The following CTH variants were observed in gnomAD, a reference collection of about 807,000 sequenced individuals.
The protein encoded by CTH is cystathionine gamma-lyase.
Under a neutral mutation model 50.6 loss-of-function variants are expected in CTH, and 41 were observed. That is an observed-to-expected ratio of 0.81 (90% CI 0.63 to 1.05). CTH has a LOEUF of 1.05. Ranked by LOEUF, CTH falls within the 50% of genes least tolerant of loss-of-function variation. The pLI, the probability that CTH is intolerant of heterozygous loss-of-function variation, is 0.00. For synonymous variants in CTH, 156 were observed against 168.9 expected, an observed-to-expected ratio of 0.92 and a Z score of 0.59; for missense variants, 470 against 492.6, an observed-to-expected ratio of 0.95 and a Z score of 0.43.
intron 1 of CTH, among the ~76,000 whole-genome samples, chr1:70,412,276 A>T (rs188470315): frequency 5.8e-4 from 88 of 152,338 alleles, no homozygotes; most frequent in African/African-American, 1.9e-3. Flanking sequence ...AATTTAGCCT[A>T]TTGCGTCATT....
In CTH at chr1:70,439,224, C is replaced by G. The variant is rs527851295; in HGVS notation, c.*97C>G. On this transcript the variant is annotated 3_prime_UTR_variant, in exon 12 of 12. Transcript: ENST00000370938. ...AATGAGCCTTTGCAAAATTTTCAAGCGGAAATTTTAAGGCACCTCATTATC... is the reference window on the plus strand; with the variant it reads ...AATGAGCCTTTGCAAAATTTTCAAGGGGAAATTTTAAGGCACCTCATTATC... 8.3e-7 allele frequency: 1 copy of G among 1,201,574 alleles called. No homozygotes were observed. The highest frequency in any genetic ancestry group is 1.5e-5 in the African/African-American group (1 of 66,764). 74.4% of individuals were successfully genotyped at this position (1,201,574 alleles called of 1,614,324 possible).
At chr1:70,428,563 C>A (rs1684397082) in intron 5 of CTH, among the ~76,000 whole-genome samples, 1 of 151,514 alleles carries the variant, frequency 6.6e-6, no homozygotes, top group Non-Finnish European at 1.5e-5. Context: ...AATTCCTTTT[C>A]ATTTTTATTT....
At chr1:70,437,205 G>T (rs1417929054) in intron 10 of CTH, among the ~76,000 whole-genome samples, 1 of 152,140 alleles carries the variant, frequency 6.6e-6, no homozygotes, top group Non-Finnish European at 1.5e-5. Context: ...TAGGTTTGTT[G>T]CGAGAACATG....
At chr1:70,415,261 A>C (rs1406323353) in intron 1 of CTH, among the ~76,000 whole-genome samples, 1 of 152,114 alleles carries the variant, frequency 6.6e-6, no homozygotes, top group Non-Finnish European at 1.5e-5. Flanking sequence ...AATATTTGTT[A>C]GGCATGGTGA....
chr1:70,418,172 C>T, intron 3 of CTH, 140 bp downstream of exon 3: 1 of 982,896 alleles, frequency 1.0e-6, no homozygotes, highest in Non-Finnish European at 1.5e-6. Context: ...CCTCTATGCT[C>T]TCTCAGACTT....
chr1:70,427,606 T>C (rs2101746780), intron 5 of CTH, among the ~76,000 whole-genome samples: 1 of 152,322 alleles, frequency 6.6e-6, no homozygotes, highest in South Asian at 2.1e-4. Context: ...TAGCCACCTA[T>C]ACTAATATCT....
chr1:70,439,379 G>A lies in CTH; in HGVS notation c.*252G>A. On this transcript the variant is annotated 3_prime_UTR_variant, in exon 12 of 12. Coordinates refer to ENST00000370938, the MANE Select transcript of CTH (RefSeq NM_001902.6). ...CTCTATGTTTGCCTCTGAAGGAGGT[G>A]AGATTTGTGCTACTTTGGGAGATTA... 2.0e-6 allele frequency: 1 copy of A among 499,270 alleles called. No homozygotes were observed. The highest frequency in any genetic ancestry group is 3.6e-6 in the Non-Finnish European group (1 of 281,194). 30.9% of individuals were successfully genotyped at this position (499,270 alleles called of 1,614,324 possible). A position where few individuals can be genotyped will look rare whatever the true frequency, so the allele number is the denominator to read the frequency against.
intron 4 of CTH, among the ~76,000 whole-genome samples, chr1:70,422,888 G>A (rs1363448636): frequency 6.6e-6 from 1 of 152,098 alleles, no homozygotes; most frequent in Non-Finnish European, 1.5e-5. Context: ...GCGATTACAG[G>A]CATGAGCCAC....
chr1:70,421,149 A>C (rs1684211036), intron 3 of CTH, among the ~76,000 whole-genome samples: 1 of 152,218 alleles, frequency 6.6e-6, no homozygotes, highest in South Asian at 2.1e-4. Context: ...AGTACAAAGA[A>C]TAGTAACCAA....
chr1:70,422,048 T>C (rs1040995480), intron 4 of CTH, among the ~76,000 whole-genome samples: 3 of 152,226 alleles, frequency 2.0e-5, no homozygotes, highest in African/African-American at 7.2e-5. Flanking sequence ...CCTGGATACA[T>C]GGTAATTGTT....
In CTH at chr1:70,432,685, T is replaced by C. The variant is rs887818521; in HGVS notation, c.877+450T>C. On this transcript the variant is annotated intron_variant, in intron 8 of 11. Transcript: ENST00000370938. ...TCCCCTGAGGTTCTCTCTCTCTCTT[T>C]TTTTTTTTTTTTTTTTTTGAGACGG... 4.6e-4 allele frequency among the ~76,000 whole-genome samples: 33 copies of C among 71,380 alleles called. No individual in the cohort carries two copies. The South Asian group carries it at 4.6e-3, about 10-fold the overall frequency. 46.8% of individuals were successfully genotyped at this position (71,380 alleles called of 152,430 possible). A position where few individuals can be genotyped will look rare whatever the true frequency, so the allele number is the denominator to read the frequency against.
At chr1:70,414,223 G>A (rs1684038574) in intron 1 of CTH, among the ~76,000 whole-genome samples, 1 of 151,420 alleles carries the variant, frequency 6.6e-6, no homozygotes. Flanking sequence ...TATAAAATAT[G>A]TCTGCTCAGG....
chr1:70,417,387 C>T (rs573073272), intron 2 of CTH, among the ~76,000 whole-genome samples: 54 of 152,054 alleles, frequency 3.6e-4, no homozygotes, highest in African/African-American at 9.6e-4. Context: ...TGGGTTCAAG[C>T]GATTCTCCTG....
chr1:70,425,394 C>A (rs920622529), intron 5 of CTH, among the ~76,000 whole-genome samples: 1 of 152,178 alleles, frequency 6.6e-6, no homozygotes, highest in East Asian at 1.9e-4. Context: ...CCAGCAGATT[C>A]AGTACCGGTG....
intron 2 of CTH, among the ~76,000 whole-genome samples, chr1:70,417,473 C>T (rs1374198545): frequency 1.3e-5 from 2 of 151,790 alleles, no homozygotes; most frequent in Non-Finnish European, 2.9e-5. Flanking sequence ...TTAGTAAACA[C>T]AGAGTTTCAC....
At chr1:70,413,501 T>C (rs1306910948) in intron 1 of CTH, among the ~76,000 whole-genome samples, 1 of 151,322 alleles carries the variant, frequency 6.6e-6, no homozygotes, top group Non-Finnish European at 1.5e-5. Flanking sequence ...CCTGACCTCG[T>C]GATTCACCCG....
chr1:70,415,085 T>C (rs1203452393), intron 1 of CTH, among the ~76,000 whole-genome samples: 1 of 152,198 alleles, frequency 6.6e-6, no homozygotes, highest in Non-Finnish European at 1.5e-5. Flanking sequence ...GATGTGATCA[T>C]AACTTCCTGT....
intron 5 of CTH, among the ~76,000 whole-genome samples, chr1:70,425,722 C>T (rs559249586): frequency 2.0e-5 from 3 of 152,142 alleles, no homozygotes; most frequent in African/African-American, 4.8e-5. Context: ...AGAGAGAGAA[C>T]GAGGGGGAAG....
chr1:70,428,260 T>C (rs1376924134), intron 5 of CTH, among the ~76,000 whole-genome samples: 1 of 151,954 alleles, frequency 6.6e-6, no homozygotes, highest in African/African-American at 2.4e-5. Flanking sequence ...GGACAGAGGA[T>C]GGTCAATGGG....
Sources: gnomAD v4.1 joint callset for allele counts (sites outside exome capture counted in the v4.1 genomes callset) on GRCh38, gnomAD v4.1.1 for gene constraint, MANE v1.5 for transcripts, NCBI Gene and HGNC (gene_info 2026-07-23, HGNC 2026-07-21) for gene names.